ASTN2: variants seen among roughly 807,000 people sequenced by gnomAD.
ASTN2 encodes the protein astrotactin-2.
In ASTN2, 54 loss-of-function variants were observed where a neutral mutation model predicts 139.8. The observed-to-expected ratio is 0.39, with a 90% confidence interval of 0.31 to 0.48. ASTN2 has a LOEUF of 0.48. Ranked by LOEUF, ASTN2 falls within the 20% of genes least tolerant of loss-of-function variation. The pLI is 0.95. For missense variants in ASTN2, 1,565 were observed against 1,725.1 expected (o/e 0.91, Z 1.64); for synonymous variants, 756 against 719.5 (o/e 1.05, Z -0.81).
intron 16 of ASTN2, among the ~76,000 whole-genome samples, chr9:116,685,281 A>G (rs1161456805): frequency 6.6e-6 from 1 of 152,138 alleles, no homozygotes; most frequent in Non-Finnish European, 1.5e-5. Context: ...TCCCTGACCA[A>G]CAGCGCTCCT....
At chr9:116,651,155 A>G (rs748062211) in intron 17 of ASTN2, among the ~76,000 whole-genome samples, 14 of 152,068 alleles carry the variant, frequency 9.2e-5, no homozygotes, top group Middle Eastern at 3.4e-3. Context: ...GACCTCAGGT[A>G]ATCCACCCGC....
chr9:117,212,584 AAAAAACAAAAAAAC>A (rs1832172906), intron 3 of ASTN2, among the ~76,000 whole-genome samples: 1 of 38,652 alleles, frequency 2.6e-5, no homozygotes, highest in African/African-American at 7.5e-5. Context: ...ACAAAAAAAC[AAAAAACAAAAAAAC>A]CCTCCAATCT....
intron 13 of ASTN2, among the ~76,000 whole-genome samples, chr9:116,757,066 C>A (rs1384476200): frequency 6.6e-6 from 1 of 152,186 alleles, no homozygotes; most frequent in Non-Finnish European, 1.5e-5. Context: ...ACAGGCCAGT[C>A]CCCTCTCCTT....
chr9:116,765,304 C>T (rs1010225074), intron 13 of ASTN2, among the ~76,000 whole-genome samples: 1 of 152,148 alleles, frequency 6.6e-6, no homozygotes, highest in Non-Finnish European at 1.5e-5. Flanking sequence ...GCCCCAGAGT[C>T]GGGCTAGGCA....
chr9:116,435,024 T>A (rs1470787669), intron 22 of ASTN2, among the ~76,000 whole-genome samples: 1 of 152,178 alleles, frequency 6.6e-6, no homozygotes, highest in Non-Finnish European at 1.5e-5. Flanking sequence ...AAAGTACTCC[T>A]GGAAAAAACT....
intron 19 of ASTN2, among the ~76,000 whole-genome samples, chr9:116,548,500 T>G (rs1227550792): frequency 6.6e-6 from 1 of 152,174 alleles, no homozygotes; most frequent in Non-Finnish European, 1.5e-5. Flanking sequence ...GAGACTGAGT[T>G]TCACTCTTGT....
chr9:117,365,513 C>T (rs1829819435), intron 1 of ASTN2, among the ~76,000 whole-genome samples: 1 of 152,028 alleles, frequency 6.6e-6, no homozygotes, highest in South Asian at 2.1e-4. Context: ...TGAAACATTG[C>T]CAAACTCCAT....
At chr9:116,963,854 C>T (rs138896517) in intron 10 of ASTN2, among the ~76,000 whole-genome samples, 13 of 152,256 alleles carry the variant, frequency 8.5e-5, no homozygotes, top group South Asian at 4.1e-4. Flanking sequence ...GCAGTTGGGA[C>T]ATTTATTTTC....
intron 10 of ASTN2, among the ~76,000 whole-genome samples, chr9:116,964,273 G>T (rs1835954298): frequency 6.6e-6 from 1 of 151,700 alleles, no homozygotes; most frequent in Admixed American, 6.6e-5. Context: ...GCGCGCGTGT[G>T]TGTTGACTAC....
intron 10 of ASTN2, among the ~76,000 whole-genome samples, chr9:116,898,302 G>A (rs878999303): frequency 3.3e-5 from 5 of 151,842 alleles, no homozygotes; most frequent in East Asian, 1.9e-4. Flanking sequence ...TCAGCTACTC[G>A]GGTGGCTAAG....
chr9:117,071,775 C>T (rs1587931943), intron 5 of ASTN2, among the ~76,000 whole-genome samples: 1 of 151,568 alleles, frequency 6.6e-6, no homozygotes, highest in African/African-American at 2.4e-5. Flanking sequence ...CCCGATTTTC[C>T]AGGTGCGTCC....
chr9:117,316,822 C>T (rs1828158697), intron 1 of ASTN2, among the ~76,000 whole-genome samples: 2 of 152,144 alleles, frequency 1.3e-5, no homozygotes, highest in Admixed American at 6.5e-5. Context: ...ATAGATATCT[C>T]GCAGATGTTG....
At position 116,686,850 on chromosome 9, in the gene ASTN2, A is replaced by G. The variant is rs1040282611; in HGVS notation, c.2807-35057T>C. On this transcript the variant is annotated intron_variant, in intron 16 of 22. Coordinates refer to ENST00000313400, the MANE Select transcript of ASTN2 (RefSeq NM_001365068.1). ...GCAGCTCTCTGTCAGAGCACAGAAC[A>G]TGAGGCCAAAGCACTGCCCTTCCTA... The G allele has an allele frequency of 1.0e-5, 16 of 1,549,346 alleles. No individual in the cohort carries two copies. In the African/African-American group the frequency reaches 1.9e-4, roughly 19 times the overall value.
intron 11 of ASTN2, among the ~76,000 whole-genome samples, chr9:116,845,077 G>A (rs536086886): frequency 1.3e-5 from 2 of 152,292 alleles, no homozygotes; most frequent in East Asian, 3.9e-4. Context: ...ACATGGGGGC[G>A]TTTGACTCCA....
Position 117,248,876 on chromosome 9 carries a change from C to T in ASTN2, c.631-34134G>A, listed in dbSNP as rs1204157359. Among the ~76,000 whole-genome samples, 15 of 152,328 alleles carry T rather than the reference C, an allele frequency of 9.8e-5. No individual in the cohort carries two copies. In the South Asian group the frequency reaches 3.1e-3, roughly 32 times the overall value. ...ACCCAGTGTTGTGTTTCTCAGACTT[C>T]ATCAAGGCTGGATGGACTATCGGGC... On this transcript the variant is annotated intron_variant, in intron 2 of 22. Coordinates refer to ENST00000313400, the MANE Select transcript of ASTN2 (RefSeq NM_001365068.1).
intron 4 of ASTN2, among the ~76,000 whole-genome samples, chr9:117,126,096 C>T (rs1483899759): frequency 6.6e-6 from 1 of 152,164 alleles, no homozygotes; most frequent in South Asian, 2.1e-4. Context: ...CCAGTTTACA[C>T]AGATGGCATA....
At chr9:116,765,119 G>A (rs1829774929) in intron 13 of ASTN2, among the ~76,000 whole-genome samples, 1 of 152,074 alleles carries the variant, frequency 6.6e-6, no homozygotes, top group African/African-American at 2.4e-5. Context: ...GCTGAATTAG[G>A]GTAATTCAGC....
At chr9:117,060,301 A>T (rs1839204723) in intron 5 of ASTN2, among the ~76,000 whole-genome samples, 1 of 141,134 alleles carries the variant, frequency 7.1e-6, no homozygotes, top group East Asian at 2.1e-4. Flanking sequence ...AAAGAGCAAG[A>T]CTCTGTCAAA....
intron 20 of ASTN2, among the ~76,000 whole-genome samples, chr9:116,452,799 A>T (rs1477174092): frequency 6.6e-6 from 1 of 152,216 alleles, no homozygotes; most frequent in African/African-American, 2.4e-5. Flanking sequence ...GTCACAGTTC[A>T]GAGGAAGTTA....
Sources: gnomAD v4.1 joint callset for allele counts (sites outside exome capture counted in the v4.1 genomes callset) on GRCh38, gnomAD v4.1.1 for gene constraint, MANE v1.5 for transcripts, NCBI Gene and HGNC (gene_info 2026-07-23, HGNC 2026-07-21) for gene names.